The following ULK4 variants were observed in gnomAD, a reference collection of about 807,000 sequenced individuals.
ULK4 encodes the protein unc-51 like kinase 4.
ULK4 carries 133 observed loss-of-function variants against 160.6 expected under a neutral mutation model. The observed-to-expected ratio is 0.83, with a 90% CI of 0.72 to 0.96. ULK4 has a LOEUF of 0.96. Ranked by LOEUF, ULK4 falls within the 40% of genes least tolerant of loss-of-function variation. The pLI, the probability that ULK4 is intolerant of heterozygous loss-of-function variation, is 0.00. For missense variants in ULK4, 1,580 were observed against 1,499.5 expected, an observed-to-expected ratio of 1.05 and a Z score of -0.89; for synonymous variants, 534 against 539.8, an observed-to-expected ratio of 0.99 and a Z score of 0.15.
At chr3:41,363,990 G>C (rs1031885210) in intron 35 of ULK4, among the ~76,000 whole-genome samples, 1 of 151,846 alleles carries the variant, frequency 6.6e-6, no homozygotes, top group Admixed American at 6.6e-5. Context: ...GAGTGCAGTG[G>C]TGTGATCTCA....
chr3:41,276,956 T>C (rs980417327), intron 35 of ULK4, among the ~76,000 whole-genome samples: 4 of 151,896 alleles, frequency 2.6e-5, no homozygotes, highest in African/African-American at 9.7e-5. Flanking sequence ...ACAACTGAAA[T>C]ACAAAAGGCT....
At chr3:41,506,784 A>ATATATG (rs1435694939) in intron 32 of ULK4, among the ~76,000 whole-genome samples, 1 of 94,032 alleles carries the variant, frequency 1.1e-5, no homozygotes, top group Non-Finnish European at 2.2e-5. Flanking sequence ...ATATATATAT[A>ATATATG]TATATATATA....
chr3:41,431,547 C>CCTTTTTTTTTTTTTTTTT (rs563543377), intron 34 of ULK4, among the ~76,000 whole-genome samples: 1,071 of 95,702 alleles, frequency 0.011, 80 homozygotes, highest in African/African-American at 0.021. Context: ...AATTCCCTCC[C>CCTTTTTTTTTTTTTTTTT]TTTTTTTTTT....
At chr3:41,813,258 C>G (rs529940487) in intron 19 of ULK4, among the ~76,000 whole-genome samples, 10 of 152,060 alleles carry the variant, frequency 6.6e-5, no homozygotes, top group Non-Finnish European at 1.2e-4. Flanking sequence ...CACACGTTTA[C>G]CTATGTAACA....
At chr3:41,715,126 C>A in intron 25 of ULK4, 111 bp downstream of exon 25, 1 of 1,129,664 alleles carries the variant, frequency 8.9e-7, no homozygotes, top group Non-Finnish European at 1.3e-6. Context: ...TCCCTAGAGA[C>A]AAATAAATAC....
intron 31 of ULK4, among the ~76,000 whole-genome samples, chr3:41,581,373 A>G (rs967233643): frequency 1.3e-5 from 2 of 152,192 alleles, no homozygotes; most frequent in Non-Finnish European, 2.9e-5. Context: ...GCTAAGCTCC[A>G]ACATAAAAAT....
intron 22 of ULK4, among the ~76,000 whole-genome samples, chr3:41,728,018 T>C (rs1027038754): frequency 2.3e-4 from 35 of 152,302 alleles, no homozygotes; most frequent in African/African-American, 8.4e-4. Context: ...CATTTACTAA[T>C]ATAGGTAAAG....
chr3:41,951,633 G>A (rs552195080), intron 2 of ULK4, among the ~76,000 whole-genome samples: 3 of 152,292 alleles, frequency 2.0e-5, no homozygotes, highest in Non-Finnish European at 4.4e-5. Flanking sequence ...TGAGAAAACT[G>A]GATATCCACA....
At chr3:41,288,485 T>C (rs183082202) in intron 35 of ULK4, among the ~76,000 whole-genome samples, 2 of 152,254 alleles carry the variant, frequency 1.3e-5, no homozygotes, top group East Asian at 3.9e-4. Flanking sequence ...CCTTTGGAGG[T>C]TACATCTTGG....
chr3:41,319,903 C>G (rs1003727247), intron 35 of ULK4, among the ~76,000 whole-genome samples: 1 of 152,144 alleles, frequency 6.6e-6, no homozygotes, highest in African/African-American at 2.4e-5. Context: ...TGACAACAGC[C>G]CAATCACTAT....
At chr3:41,451,281 G>A (rs1471878390) in intron 34 of ULK4, among the ~76,000 whole-genome samples, 1 of 151,932 alleles carries the variant, frequency 6.6e-6, no homozygotes, top group African/African-American at 2.4e-5. Context: ...ACACAAGGGA[G>A]GATGTCTATA....
intron 34 of ULK4, among the ~76,000 whole-genome samples, chr3:41,444,657 T>C (rs1386230787): frequency 6.6e-6 from 1 of 152,180 alleles, no homozygotes; most frequent in African/African-American, 2.4e-5. Context: ...TGCAAAAGTA[T>C]TCTTATCCTA....
intron 16 of ULK4, among the ~76,000 whole-genome samples, chr3:41,887,785 C>G (rs567433526): frequency 1.0e-3 from 158 of 151,262 alleles, no homozygotes; most frequent in African/African-American, 3.4e-3. Flanking sequence ...CATGCCACTA[C>G]TGCACTCCCG....
At chr3:41,343,577 T>C (rs1559534656) in intron 35 of ULK4, among the ~76,000 whole-genome samples, 1 of 152,080 alleles carries the variant, frequency 6.6e-6, no homozygotes, top group African/African-American at 2.4e-5. Flanking sequence ...GTGCTGGGAT[T>C]ACAGGCGTGA....
At chr3:41,830,860 T>C (rs999688564) in intron 18 of ULK4, among the ~76,000 whole-genome samples, 1 of 151,912 alleles carries the variant, frequency 6.6e-6, no homozygotes, top group Admixed American at 6.6e-5. Flanking sequence ...CTTGTTAAGT[T>C]TGAGCCTTGA....
chr3:41,273,554 C>T (rs1398629381), intron 35 of ULK4, among the ~76,000 whole-genome samples: 3 of 152,214 alleles, frequency 2.0e-5, no homozygotes, highest in African/African-American at 7.2e-5. Flanking sequence ...GTCTTGGTCT[C>T]TCTGGACTCA....
chr3:41,400,731 T>A (rs937403044), intron 34 of ULK4, among the ~76,000 whole-genome samples: 2 of 152,184 alleles, frequency 1.3e-5, no homozygotes, highest in Admixed American at 6.5e-5. Context: ...CATATTTAGT[T>A]TTTTAAGAAA....
chr3:41,696,031 C>T (rs972791355), intron 27 of ULK4, among the ~76,000 whole-genome samples: 1 of 152,160 alleles, frequency 6.6e-6, no homozygotes, highest in Non-Finnish European at 1.5e-5. Flanking sequence ...ACGCCCGCTG[C>T]CAAGCGGACC....
At chr3:41,528,653 T>C (rs766762685) in intron 32 of ULK4, among the ~76,000 whole-genome samples, 7 of 152,224 alleles carry the variant, frequency 4.6e-5, no homozygotes, top group Non-Finnish European at 1.0e-4. Flanking sequence ...ATGAAAGATA[T>C]GCTTTGTAGC....
Sources: allele counts gnomAD v4.1 joint callset (sites outside exome capture counted in the v4.1 genomes callset), GRCh38; gene constraint gnomAD v4.1.1; transcripts MANE v1.5; gene names NCBI Gene and HGNC (gene_info 2026-07-23, HGNC 2026-07-21).